The following ZNF407 variants were observed in gnomAD, a reference collection of about 807,000 sequenced individuals.
ZNF407 encodes zinc finger protein 407.
A neutral mutation model predicts 131.2 loss-of-function variants in ZNF407; 17 were observed. That is an observed-to-expected ratio of 0.13 (90% confidence interval 0.09 to 0.19). ZNF407 has a LOEUF of 0.19. Among genes scored for constraint, ZNF407 ranks in the 10% least tolerant of loss-of-function variants. The pLI is 1.00. For missense variants in ZNF407, 2,681 were observed against 2,830.6 expected (o/e 0.95, Z 1.20); for synonymous variants, 1,156 against 1,062.0 (o/e 1.09, Z -1.72).
chr18:74,784,336 A>G (rs1367950926), intron 4 of ZNF407, among the ~76,000 whole-genome samples: 2 of 152,226 alleles, frequency 1.3e-5, no homozygotes, highest in East Asian at 3.8e-4. Context: ...TAAATTAATA[A>G]TGCATTTTGT....
At chr18:74,742,668 G>A (rs1361604010) in intron 3 of ZNF407, among the ~76,000 whole-genome samples, 2 of 151,978 alleles carry the variant, frequency 1.3e-5, no homozygotes, top group East Asian at 3.9e-4. Context: ...TTGTTTGTTC[G>A]TTTTGCTTAC....
intron 4 of ZNF407, among the ~76,000 whole-genome samples, chr18:74,825,272 A>G (rs1970394342): frequency 6.6e-6 from 1 of 152,228 alleles, no homozygotes. Context: ...TTCCCTTTGT[A>G]AACCGGCACC....
At chr18:74,623,106 CTGAG>C (rs1268638115) in intron 1 of ZNF407, among the ~76,000 whole-genome samples, 6 of 149,532 alleles carry the variant, frequency 4.0e-5, no homozygotes, top group African/African-American at 9.9e-5. Flanking sequence ...GCGTGTGTAT[CTGAG>C]TGCGTGTCAG....
intron 8 of ZNF407, chr18:75,062,197 G>A (rs17056242): frequency 0.16 from 23,784 of 152,312 alleles, 2,229 homozygotes; most frequent in African/African-American, 0.26. Context: ...CACGAGAGAT[G>A]GCTTGAATCT....
chr18:74,742,985 C>T (rs1035517878), intron 3 of ZNF407, among the ~76,000 whole-genome samples: 4 of 151,912 alleles, frequency 2.6e-5, no homozygotes, highest in African/African-American at 4.8e-5. Context: ...CCAGCAAAGG[C>T]GGTGGATGGA....
chr18:74,824,335 T>C (rs1348529691), intron 4 of ZNF407, among the ~76,000 whole-genome samples: 3 of 152,198 alleles, frequency 2.0e-5, no homozygotes, highest in Non-Finnish European at 2.9e-5. Context: ...GTTCAAAAGC[T>C]AGCGGAAGAC....
In ZNF407 at chr18:74,733,398, C is replaced by A. The variant is rs193110525; in HGVS notation, c.4803-48030C>A. On this transcript the variant is annotated intron_variant, in intron 3 of 8. Transcript: ENST00000299687. ...TTTTTTATTATAAGATTTCTTCTTT[C>A]AAAAGTAACCCCATCTAATTTTCTT... Among the ~76,000 whole-genome samples, 150 of 152,108 alleles carry A rather than the reference C, an allele frequency of 9.9e-4. 1 individual carries two copies. The highest frequency in any genetic ancestry group is 3.4e-3 in the Middle Eastern group (1 of 294).
intron 8 of ZNF407, among the ~76,000 whole-genome samples, chr18:75,022,577 G>A (rs1344975752): frequency 6.6e-6 from 1 of 152,108 alleles, no homozygotes; most frequent in Non-Finnish European, 1.5e-5. Flanking sequence ...GTGAAATAAT[G>A]CATGTAAAAA....
At position 74,634,961 on chromosome 18, in the gene ZNF407, T is replaced by A. The variant is rs1361987181; in HGVS notation, c.3942T>A (p.His1314Gln). Residue 1314 changes from histidine (H) to glutamine (Q), a missense_variant, in exon 2 of 9, where the codon CAT (histidine) becomes CAA (glutamine). Physicochemically the swap from His to Gln is conservative, Grantham distance 24. Transcript: ENST00000299687. ...GNKEILMNSQ[H>Q]ETEFILEEDG... ...AGGAAATTCTGATGAATTCACAACA[T>A]GAAACAGAATTTATTTTGGAGGAGG... The A allele has an allele frequency of 2.5e-6, 4 of 1,613,878 alleles. No individual in the cohort carries two copies. In the Admixed American group the frequency reaches 5.0e-5, roughly 20 times the overall value.
chr18:75,027,448 C>G (rs1293127195), intron 8 of ZNF407, among the ~76,000 whole-genome samples: 1 of 152,142 alleles, frequency 6.6e-6, no homozygotes, highest in Non-Finnish European at 1.5e-5. Flanking sequence ...GACAGAGATA[C>G]AGGTGGTCTA....
chr18:74,772,128 G>A (rs1317957755), intron 3 of ZNF407, among the ~76,000 whole-genome samples: 3 of 152,126 alleles, frequency 2.0e-5, no homozygotes, highest in African/African-American at 7.2e-5. Context: ...TCTTGAAAAA[G>A]TCAAAGTCAC....
chr18:74,901,174 G>A (rs1214595756), intron 7 of ZNF407, among the ~76,000 whole-genome samples: 1 of 152,100 alleles, frequency 6.6e-6, no homozygotes, highest in East Asian at 1.9e-4. Flanking sequence ...GGCCCCACCG[G>A]TTGATGGATG....
At chr18:74,754,319 T>A (rs946807576) in intron 3 of ZNF407, among the ~76,000 whole-genome samples, 1 of 152,230 alleles carries the variant, frequency 6.6e-6, no homozygotes, top group Non-Finnish European at 1.5e-5. Context: ...CATTGAATTT[T>A]TGAAGGGTTT....
At chr18:74,690,769 T>A (rs1967201911) in intron 3 of ZNF407, among the ~76,000 whole-genome samples, 1 of 152,228 alleles carries the variant, frequency 6.6e-6, no homozygotes, top group Non-Finnish European at 1.5e-5. Flanking sequence ...TAATTTACTT[T>A]GAGTACCCAA....
At chr18:74,886,133 A>G (rs1051834745) in intron 6 of ZNF407, among the ~76,000 whole-genome samples, 25 of 152,152 alleles carry the variant, frequency 1.6e-4, no homozygotes, top group African/African-American at 5.8e-4. Flanking sequence ...TGAGAAAACA[A>G]CCTTTTAAAA....
chr18:74,702,261 T>C (rs921069388), intron 3 of ZNF407, among the ~76,000 whole-genome samples: 1 of 152,186 alleles, frequency 6.6e-6, no homozygotes, highest in Non-Finnish European at 1.5e-5. Flanking sequence ...GAGAAGGATG[T>C]ATGTGTTTTA....
chr18:74,752,093 T>C (rs1414463827), intron 3 of ZNF407, among the ~76,000 whole-genome samples: 1 of 152,204 alleles, frequency 6.6e-6, no homozygotes, highest in African/African-American at 2.4e-5. Flanking sequence ...TATCTCATTG[T>C]GGTTTTGATT....
At chr18:74,828,746 T>A (rs1026948248) in intron 4 of ZNF407, among the ~76,000 whole-genome samples, 2 of 152,246 alleles carry the variant, frequency 1.3e-5, no homozygotes, top group African/African-American at 4.8e-5. Flanking sequence ...TTGCACTCTT[T>A]TAAAACACCA....
At chr18:74,691,071 G>A (rs1036588537) in intron 3 of ZNF407, among the ~76,000 whole-genome samples, 2 of 152,150 alleles carry the variant, frequency 1.3e-5, no homozygotes, top group Non-Finnish European at 2.9e-5. Context: ...CTGAGGTCAG[G>A]AGTTCGAGAC....
Sources: allele counts gnomAD v4.1 joint callset (sites outside exome capture counted in the v4.1 genomes callset), GRCh38; gene constraint gnomAD v4.1.1; transcripts MANE v1.5; gene names NCBI Gene and HGNC (gene_info 2026-07-23, HGNC 2026-07-21).